Variants in SPATA6L observed in about 807,000 individuals in gnomAD.
The protein encoded by SPATA6L is spermatogenesis associated 6-like protein.
In SPATA6L, 68 loss-of-function variants were observed where a neutral mutation model predicts 49.2. The observed-to-expected ratio is 1.38, with a 90% CI of 1.14 to 1.69. The LOEUF (loss-of-function observed/expected upper bound fraction) is 1.69. Among genes scored for constraint, SPATA6L ranks in the 40% most tolerant of loss-of-function variants. The pLI is 0.00. For missense variants in SPATA6L, 668 were observed against 464.3 expected (o/e 1.44, Z -4.03); for synonymous variants, 198 against 165.7 (o/e 1.19, Z -1.50).
At chr9:4,643,900 A>G (rs1158671916) in intron 3 of SPATA6L, among the ~76,000 whole-genome samples, 1 of 152,078 alleles carries the variant, frequency 6.6e-6, no homozygotes, top group Non-Finnish European at 1.5e-5. Flanking sequence ...CCAGCTATTC[A>G]GGAGGCTGAG....
intron 11 of SPATA6L, among the ~76,000 whole-genome samples, chr9:4,602,965 G>A (rs192504542): frequency 3.3e-4 from 51 of 152,250 alleles, no homozygotes; most frequent in African/African-American, 7.7e-4. Flanking sequence ...CACTCAGGCC[G>A]CATGTCATAA....
chr9:4,656,181 G>C (rs1288877135), intron 2 of SPATA6L, 92 bp from the exon 3 acceptor site: 4 of 1,039,448 alleles, frequency 3.8e-6, no homozygotes, highest in Non-Finnish European at 4.3e-6. Flanking sequence ...GCTCACACCT[G>C]TAATCCTAGC....
intron 10 of SPATA6L, among the ~76,000 whole-genome samples, 178 bp downstream of exon 10, chr9:4,605,169 T>C (rs1413389812): frequency 1.3e-5 from 2 of 152,262 alleles, no homozygotes; most frequent in East Asian, 3.9e-4. Context: ...CTCCCAGCCA[T>C]GTCAAATACC....
At chr9:4,618,413 A>C (rs1787241699) in intron 8 of SPATA6L, among the ~76,000 whole-genome samples, 1 of 152,180 alleles carries the variant, frequency 6.6e-6, no homozygotes, top group Non-Finnish European at 1.5e-5. Flanking sequence ...GGAAAAATGT[A>C]ACTTTAACAA....
chr9:4,655,625 T>G (rs1194461363), intron 3 of SPATA6L, among the ~76,000 whole-genome samples: 1 of 152,048 alleles, frequency 6.6e-6, no homozygotes, highest in Non-Finnish European at 1.5e-5. Flanking sequence ...TTCGGCTCAC[T>G]GTAACCTCCG....
At chr9:4,594,414 G>A (rs1369174917), downstream of SPATA6L, among the ~76,000 whole-genome samples, 2 of 152,088 alleles carry the variant, frequency 1.3e-5, no homozygotes, top group Admixed American at 6.5e-5. Context: ...GGGTTTCACC[G>A]TGTTAGCCAG....
At chr9:4,627,676 G>A in intron 5 of SPATA6L, 1 of 1,198,312 alleles carries the variant, frequency 8.3e-7, no homozygotes, top group Non-Finnish European at 1.1e-6. Context: ...TGGGGTGAGG[G>A]AGGCAGACAC....
At chr9:4,626,996 A>G (rs1830472099) in intron 5 of SPATA6L, 1 of 152,182 alleles carries the variant, frequency 6.6e-6, no homozygotes, top group Admixed American at 6.5e-5. Context: ...GTTTTTTTTA[A>G]GTTTTGGGTC....
Position 4,666,223 on chromosome 9 carries a change from G to T in SPATA6L, c.28C>A (p.Gln10Lys), listed in dbSNP as rs1289179104. 3.1e-6 allele frequency: 5 copies of T among 1,614,166 alleles called. No individual in the cohort carries two copies. Among genetic ancestry groups the T allele is most frequent in the South Asian group, 1.1e-5 (1 of 91,076 alleles). MPLEVVVEL[Q>K]IRAISCPGVF... ...CATCGATCTCTTACCGCCCGGATCT[G>T]CAGCTCCACCACCACCTCCAGAGGC... The change falls in exon 1 of 12, where the codon CAG becomes AAG. Residue 10 changes from glutamine (Q) to lysine (K), a missense_variant. Gln to Lys is a moderately conservative substitution (Grantham distance 53, BLOSUM62 1). Coordinates refer to ENST00000682582, the MANE Select transcript of SPATA6L (RefSeq NM_001353486.2).
chr9:4,634,656 T>C (rs1437487921), intron 4 of SPATA6L, among the ~76,000 whole-genome samples: 1 of 152,182 alleles, frequency 6.6e-6, no homozygotes, highest in Non-Finnish European at 1.5e-5. Flanking sequence ...ATGGAGATCA[T>C]TCAAGTGATG....
intron 5 of SPATA6L, chr9:4,626,506 A>G: frequency 7.7e-7 from 1 of 1,304,144 alleles, no homozygotes; most frequent in East Asian, 5.5e-5. Flanking sequence ...TTTCTTCTTT[A>G]AGCTTCTGTG....
chr9:4,635,222 G>A lies in SPATA6L; in HGVS notation c.351+53C>T. Reference sequence around the variant, plus strand: ...AACCCTGTCAGGAATAAAACGTTCAGGTCCCAAGAGTTTCTCTCCTAATAG... The same window carrying A: ...AACCCTGTCAGGAATAAAACGTTCAAGTCCCAAGAGTTTCTCTCCTAATAG... On this transcript the variant is annotated intron_variant, in intron 4 of 11. Coordinates refer to ENST00000682582, the MANE Select transcript of SPATA6L (RefSeq NM_001353486.2). 2.1e-6 allele frequency: 3 copies of A among 1,457,354 alleles called. No individual in the cohort carries two copies. In the African/African-American group the frequency reaches 4.4e-5, roughly 22 times the overall value. 90.3% of individuals were successfully genotyped at this position (1,457,354 alleles called of 1,614,324 possible). A position where few individuals can be genotyped will look rare whatever the true frequency, so the allele number is the denominator to read the frequency against.
chr9:4,627,475 T>A, intron 5 of SPATA6L: 3 of 245,084 alleles, frequency 1.2e-5, no homozygotes, highest in Non-Finnish European at 2.4e-5. Flanking sequence ...ATTTTCAAGG[T>A]CTTTTCTAGG....
In SPATA6L at chr9:4,600,492, C is replaced by CGAGAGAGA. The variant is rs1564096515; in HGVS notation, c.*318_*319insTCTCTCTC. The CGAGAGAGA allele has an allele frequency of 5.6e-5, 1 of 17,846 alleles. No individual in the cohort carries two copies. The highest frequency in any genetic ancestry group is 2.2e-4 in the Non-Finnish European group (1 of 4,612). 1.1% of individuals were successfully genotyped at this position (17,846 alleles called of 1,614,324 possible). ...GAGAGACAGAGAGAGCCAGAGAGAG[C>CGAGAGAGA]CAGAGAGAGAGAGAGGGGAAGTGTT... On this transcript the variant is annotated 3_prime_UTR_variant, in exon 12 of 12. Transcript: ENST00000682582.
At position 4,632,483 on chromosome 9, in the gene SPATA6L, C is replaced by T. The variant is rs959987834; in HGVS notation, c.351+2792G>A. 2.6e-5 allele frequency among the ~76,000 whole-genome samples: 4 copies of T among 151,736 alleles called. No homozygotes were observed. The South Asian group carries it at 6.3e-4, about 24-fold the overall frequency. On this transcript the variant is annotated intron_variant, in intron 4 of 11. Coordinates refer to ENST00000682582, the MANE Select transcript of SPATA6L (RefSeq NM_001353486.2). The stretch of plus-strand genomic sequence containing the variant: ...TGGTGGTGAGTGCCTGTAATCCCAG[C>T]TACTCAGGAAGCTGAGGCAGGAGAA...
rs1297049181 is a variant in SPATA6L at position 4,666,424 on chromosome 9, G to A, written c.-174C>T. On this transcript the variant is annotated 5_prime_UTR_variant, in exon 1 of 12. Transcript: ENST00000682582. ...CAGCCCAGGTCCCTCCCACCGGGACGGGTCTCTCACACTCGAAGCTGGAGT... is the reference window on the plus strand; with the variant it reads ...CAGCCCAGGTCCCTCCCACCGGGACAGGTCTCTCACACTCGAAGCTGGAGT... 4 of 671,980 alleles carry A rather than the reference G, an allele frequency of 6.0e-6. No individual in the cohort carries two copies. The highest frequency in any genetic ancestry group is 8.0e-6 in the Non-Finnish European group (3 of 377,218). 41.6% of individuals were successfully genotyped at this position (671,980 alleles called of 1,614,324 possible).
downstream of SPATA6L, chr9:4,596,653 T>A (rs1328613030): frequency 6.6e-6 from 1 of 152,208 alleles, no homozygotes; most frequent in African/African-American, 2.4e-5. Context: ...CCTCTCTTGT[T>A]GGCCTAAACA....
chr9:4,662,243 G>A lies in SPATA6L; in HGVS notation c.40-207C>T, dbSNP rs923683441. The A allele has an allele frequency of 2.8e-6, 4 of 1,433,614 alleles. No individual in the cohort carries two copies. In the South Asian group the frequency reaches 4.5e-5, roughly 16 times the overall value. The allele number at this position is 1,433,614 out of a possible 1,614,324, so 88.8% of individuals were successfully genotyped here. On this transcript the variant is annotated intron_variant, in intron 1 of 11. Transcript: ENST00000682582. This position sits in a 1 kb window ranked among gnomAD's most constrained non-coding sequence, Gnocchi z 4.9. Reference sequence around the variant, plus strand: ...CAACTCCCTCCCACGTCTCCACCAGGTGTCACAATCGCGCTCTCGCCGGCT... The same window carrying A: ...CAACTCCCTCCCACGTCTCCACCAGATGTCACAATCGCGCTCTCGCCGGCT...
At chr9:4,660,745 A>G (rs953119054) in intron 2 of SPATA6L, among the ~76,000 whole-genome samples, 5 of 152,236 alleles carry the variant, frequency 3.3e-5, no homozygotes, top group East Asian at 1.9e-4. Flanking sequence ...TGTTTATTGC[A>G]GCACTATTCA....
Sources: allele counts gnomAD v4.1 joint callset (sites outside exome capture counted in the v4.1 genomes callset), GRCh38; gene constraint gnomAD v4.1.1; non-coding constraint Gnocchi (gnomAD v3.1); transcripts MANE v1.5; gene names NCBI Gene and HGNC (gene_info 2026-07-23, HGNC 2026-07-21).